Variants in GRAMD1C observed in about 807,000 individuals in gnomAD.
The protein encoded by GRAMD1C is protein Aster-C.
Under a neutral mutation model 97.8 loss-of-function variants are expected in GRAMD1C, and 89 were observed. The ratio of observed to expected loss-of-function variants is 0.91; its 90% CI spans 0.77 to 1.09. GRAMD1C has a LOEUF of 1.09. Ranked by LOEUF, GRAMD1C falls within the 50% of genes least tolerant of loss-of-function variation. GRAMD1C has a pLI of 0.00. For missense variants in GRAMD1C, 740 were observed against 766.4 expected, an observed-to-expected ratio of 0.97 and a Z score of 0.41; for synonymous variants, 256 against 267.0, an observed-to-expected ratio of 0.96 and a Z score of 0.40.
rs1709547906 is a variant in GRAMD1C at position 113,830,832 on chromosome 3, C to T, written n.98+2553C>T. Reference sequence around the variant, plus strand: ...ACAGGAAATTGTATGGGCATGGTGACTCATGCCCGTAATCCCAGCACTTTG... The same window carrying T: ...ACAGGAAATTGTATGGGCATGGTGATTCATGCCCGTAATCCCAGCACTTTG... On this transcript the variant is annotated intron_variant and non_coding_transcript_variant, in intron 1 of 18. Transcript: ENST00000479212. Among the ~76,000 whole-genome samples, 4 of 152,210 alleles carry T rather than the reference C, an allele frequency of 2.6e-5. No homozygotes were observed. The South Asian group carries it at 8.3e-4, about 32-fold the overall frequency.
intron 17 of GRAMD1C, among the ~76,000 whole-genome samples, chr3:113,944,843 G>A (rs1237716266): frequency 2.0e-5 from 3 of 152,148 alleles, no homozygotes; most frequent in African/African-American, 7.2e-5. Flanking sequence ...CTGCTCTTGA[G>A]TTGCACACAA....
chr3:113,907,544 G>A (rs2107324457), intron 8 of GRAMD1C, among the ~76,000 whole-genome samples: 1 of 152,210 alleles, frequency 6.6e-6, no homozygotes, highest in East Asian at 1.9e-4. Context: ...AGAGCCATAT[G>A]ATGAGATTCT....
intron 11 of GRAMD1C, 110 bp downstream of exon 11, chr3:113,930,942 A>G: frequency 1.6e-6 from 1 of 618,568 alleles, no homozygotes; most frequent in Non-Finnish European, 2.9e-6. Flanking sequence ...GTGGCAAGAA[A>G]AAAGGGAGGA....
intron 6 of GRAMD1C, among the ~76,000 whole-genome samples, chr3:113,887,427 A>G (rs922227178): frequency 6.7e-6 from 1 of 150,174 alleles, no homozygotes; most frequent in South Asian, 2.2e-4. Flanking sequence ...GAGGCCGGGC[A>G]CTGTGGCTTA....
At chr3:113,911,881 C>T (rs1180310996) in intron 9 of GRAMD1C, among the ~76,000 whole-genome samples, 1 of 152,076 alleles carries the variant, frequency 6.6e-6, no homozygotes, top group Non-Finnish European at 1.5e-5. Context: ...GTGCCCACCA[C>T]CATGCCCAGC....
intron 2 of GRAMD1C, among the ~76,000 whole-genome samples, chr3:113,847,224 G>A (rs1377337665): frequency 6.6e-6 from 1 of 152,074 alleles, no homozygotes. Context: ...TTTTTTTACT[G>A]ATATCTCTTA....
At chr3:113,841,092 T>A (rs912430327) in intron 1 of GRAMD1C, among the ~76,000 whole-genome samples, 16 of 152,132 alleles carry the variant, frequency 1.1e-4, no homozygotes, top group African/African-American at 3.6e-4. Context: ...ATTTACTAGT[T>A]GTGGACTGGA....
At chr3:113,901,573 T>C (rs1559803611) in intron 7 of GRAMD1C, among the ~76,000 whole-genome samples, 1 of 152,166 alleles carries the variant, frequency 6.6e-6, no homozygotes, top group African/African-American at 2.4e-5. Flanking sequence ...AATACATTAA[T>C]GGAAGGAGCA....
At chr3:113,922,950 C>A (rs1937111418) in intron 10 of GRAMD1C, among the ~76,000 whole-genome samples, 1 of 152,026 alleles carries the variant, frequency 6.6e-6, no homozygotes, top group Non-Finnish European at 1.5e-5. Context: ...TTTATTTGAG[C>A]AATATTTTAT....
At chr3:113,851,618 A>G (rs1416277336) in intron 2 of GRAMD1C, among the ~76,000 whole-genome samples, 1 of 150,176 alleles carries the variant, frequency 6.7e-6, no homozygotes, top group Admixed American at 6.7e-5. Context: ...TCCTGGGTTC[A>G]AGTGATTCTC....
intron 10 of GRAMD1C, among the ~76,000 whole-genome samples, chr3:113,920,666 G>A (rs1407940640): frequency 2.0e-5 from 3 of 152,014 alleles, no homozygotes; most frequent in Non-Finnish European, 4.4e-5. Flanking sequence ...TTATTCTCCT[G>A]AGTAGCTAGG....
chr3:113,902,338 G>T (rs1936207860), intron 7 of GRAMD1C, among the ~76,000 whole-genome samples: 1 of 152,074 alleles, frequency 6.6e-6, no homozygotes, highest in Non-Finnish European at 1.5e-5. Context: ...AATTTCCATT[G>T]TATTGTTCTC....
At chr3:113,898,968 G>A (rs1379231412) in intron 6 of GRAMD1C, among the ~76,000 whole-genome samples, 1 of 151,990 alleles carries the variant, frequency 6.6e-6, no homozygotes, top group African/African-American at 2.4e-5. Flanking sequence ...TCCATGAAAT[G>A]TAATGAAGGT....
At chr3:113,874,195 G>T (rs1253280788) in intron 3 of GRAMD1C, among the ~76,000 whole-genome samples, 1 of 152,128 alleles carries the variant, frequency 6.6e-6, no homozygotes, top group Non-Finnish European at 1.5e-5. Flanking sequence ...TAGCAGTTAA[G>T]CTAAATCTCC....
At chr3:113,890,865 G>A in intron 6 of GRAMD1C, 1 of 576,950 alleles carries the variant, frequency 1.7e-6, no homozygotes. Flanking sequence ...CTTTAATGAA[G>A]AAGAAAGCTC....
At chr3:113,893,001 A>G (rs1577174113) in intron 6 of GRAMD1C, among the ~76,000 whole-genome samples, 1 of 152,208 alleles carries the variant, frequency 6.6e-6, no homozygotes, top group African/African-American at 2.4e-5. Flanking sequence ...CAATTATATG[A>G]AATTCAAATT....
rs746563875 is a variant in GRAMD1C at position 113,909,085 on chromosome 3, T to C, written c.917T>C (p.Leu306Pro). ...LDLNKNEYLSLDKSSTSDSVD... is the reference protein window; with the variant it reads ...LDLNKNEYLSPDKSSTSDSVD... ...TTGAATAAAAATGAATATCTTTCTC[T>C]GGACAAAAGCAGCACTTCAGATTCT... is the stretch of plus-strand genomic sequence containing the variant. The change falls in exon 9 of 18, where the codon CTG becomes CCG. Residue 306 changes from leucine (L) to proline (P), a missense_variant. Coordinates refer to ENST00000358160, the MANE Select transcript of GRAMD1C (RefSeq NM_017577.5). The C allele has an allele frequency of 6.4e-7, 1 of 1,555,060 alleles. No homozygotes were observed. The highest frequency in any genetic ancestry group is 8.7e-7 in the Non-Finnish European group (1 of 1,151,800).
rs1709692819 is a variant in GRAMD1C at position 113,838,893 on chromosome 3, C to A, written c.-17C>A. The A allele has an allele frequency of 8.1e-7, 1 of 1,231,694 alleles. No individual in the cohort carries two copies. The allele number at this position is 1,231,694 out of a possible 1,614,324, so 76.3% of individuals were successfully genotyped here. A position where few individuals can be genotyped will look rare whatever the true frequency, so the allele number is the denominator to read the frequency against. ...CGGTGCGCGCGGGGCGGTGCCGCGG[C>A]GGCGGAGGGAGCCGCGATGGAGGGC... On this transcript the variant is annotated 5_prime_UTR_variant, in exon 1 of 18. Transcript: ENST00000358160.
chr3:113,896,551 A>G (rs949652786), intron 6 of GRAMD1C, among the ~76,000 whole-genome samples: 8 of 152,192 alleles, frequency 5.3e-5, no homozygotes, highest in African/African-American at 1.9e-4. Flanking sequence ...ATATTTTCTC[A>G]TAGCTATTTG....
Sources: gnomAD v4.1 joint callset for allele counts (sites outside exome capture counted in the v4.1 genomes callset) on GRCh38, gnomAD v4.1.1 for gene constraint, MANE v1.5 for transcripts, NCBI Gene and HGNC (gene_info 2026-07-23, HGNC 2026-07-21) for gene names.